Variants in CHRM5 observed in about 807,000 individuals in gnomAD.
The protein encoded by CHRM5 is muscarinic acetylcholine receptor M5.
A neutral mutation model predicts 39.0 loss-of-function variants in CHRM5; 18 were observed. The ratio of observed to expected loss-of-function variants is 0.46; its 90% CI spans 0.32 to 0.68. The LOEUF is 0.68. Among genes scored for constraint, CHRM5 ranks in the 30% least tolerant of loss-of-function variants. CHRM5 has a pLI of 0.04. For synonymous variants in CHRM5, 241 were observed against 246.3 expected, an observed-to-expected ratio of 0.98 and a Z score of 0.20; for missense variants, 515 against 651.1, an observed-to-expected ratio of 0.79 and a Z score of 2.28.
chr15:34,048,320 C>T (rs914800534), intron 2 of CHRM5, among the ~76,000 whole-genome samples: 7 of 152,128 alleles, frequency 4.6e-5, no homozygotes, highest in South Asian at 2.1e-4. Context: ...GAGGGGCAGC[C>T]GCCATCTGTG....
At chr15:34,034,117 TA>T (rs200125211) in intron 1 of CHRM5, among the ~76,000 whole-genome samples, 2,619 of 152,266 alleles carry the variant, frequency 0.017, 73 homozygotes, top group African/African-American at 0.06. Flanking sequence ...TTTAAATGGC[TA>T]AAGGCAAATA....
intron 1 of CHRM5, among the ~76,000 whole-genome samples, chr15:33,986,632 T>C (rs946037974): frequency 8.8e-5 from 13 of 147,488 alleles, no homozygotes; most frequent in Non-Finnish European, 2.0e-4. Flanking sequence ...TAATAGATCA[T>C]GACCATAAGG....
intron 2 of CHRM5, among the ~76,000 whole-genome samples, chr15:34,061,830 G>A (rs1900342806): frequency 6.6e-6 from 1 of 152,174 alleles, no homozygotes; most frequent in Admixed American, 6.5e-5. Flanking sequence ...AGGGCAAGGA[G>A]AGGTGGTATA....
intron 2 of CHRM5, among the ~76,000 whole-genome samples, chr15:34,050,917 C>T (rs1899906330): frequency 3.3e-5 from 5 of 152,096 alleles, no homozygotes; most frequent in Admixed American, 3.3e-4. Flanking sequence ...CTTTAACACC[C>T]CACCGACTAT....
intron 1 of CHRM5, among the ~76,000 whole-genome samples, chr15:33,985,038 C>T (rs1328663943): frequency 2.0e-5 from 3 of 152,084 alleles, no homozygotes; most frequent in African/African-American, 7.2e-5. Context: ...CCACAGCATT[C>T]TGTATCCCAC....
Position 34,001,019 on chromosome 15 carries a change from A to ATTT in CHRM5, c.-408+31885_-408+31887dup, listed in dbSNP as rs562045179. On this transcript the variant is annotated intron_variant, in intron 1 of 2. Coordinates refer to ENST00000383263, the MANE Select transcript of CHRM5 (RefSeq NM_012125.4). Reference sequence around the variant, plus strand: ...GACAGGCCTGCTAGGTTGGACTAGAATTTTTTTTTTTTTTTTTTGAGACGG... The same window carrying ATTT: ...GACAGGCCTGCTAGGTTGGACTAGAATTTTTTTTTTTTTTTTTTTTTGAGACGG... Among the ~76,000 whole-genome samples, 587 of 136,734 alleles carry ATTT rather than the reference A, an allele frequency of 4.3e-3. 14 individuals are homozygous for ATTT. The highest frequency in any genetic ancestry group is 0.015 in the African/African-American group (531 of 35,838). The allele number at this position is 136,734 out of a possible 152,430, so 89.7% of individuals were successfully genotyped here. A position where few individuals can be genotyped will look rare whatever the true frequency, so the allele number is the denominator to read the frequency against.
In CHRM5 at chr15:34,006,579, T is replaced by C. The variant is rs538594608; in HGVS notation, c.-408+37429T>C. Among the ~76,000 whole-genome samples the C allele has an allele frequency of 2.0e-5, 3 of 152,346 alleles. No homozygotes were observed. The East Asian group carries it at 5.8e-4, about 29-fold the overall frequency. ...TCTAAAACACCTAAGGAACGATTAA[T>C]GCAGTGAAACAAGCACTGAAATGGA... On this transcript the variant is annotated intron_variant, in intron 1 of 2. Transcript: ENST00000383263.
chr15:34,009,743 T>C (rs1897556068), intron 1 of CHRM5, among the ~76,000 whole-genome samples: 4 of 152,120 alleles, frequency 2.6e-5, no homozygotes, highest in Admixed American at 1.3e-4. Flanking sequence ...ATCCCAATGC[T>C]TTGGGAGGCC....
intron 1 of CHRM5, among the ~76,000 whole-genome samples, chr15:33,984,032 A>T (rs976129857): frequency 2.6e-5 from 4 of 152,278 alleles, no homozygotes; most frequent in Admixed American, 2.6e-4. Context: ...ACTGTCACAA[A>T]TAAGAAGAGA....
chr15:33,989,224 T>C (rs1896613265), intron 1 of CHRM5, among the ~76,000 whole-genome samples: 1 of 152,170 alleles, frequency 6.6e-6, no homozygotes, highest in African/African-American at 2.4e-5. Context: ...TATATGTTAG[T>C]ACCATGCTTG....
intron 1 of CHRM5, among the ~76,000 whole-genome samples, chr15:34,025,609 A>G (rs1898420995): frequency 6.6e-6 from 1 of 152,228 alleles, no homozygotes; most frequent in African/African-American, 2.4e-5. Flanking sequence ...CCTGATTTTG[A>G]TAATTGTGCA....
At chr15:34,004,661 A>G (rs1216362717) in intron 1 of CHRM5, among the ~76,000 whole-genome samples, 1 of 152,190 alleles carries the variant, frequency 6.6e-6, no homozygotes, top group East Asian at 1.9e-4. Context: ...AAGATAGGAC[A>G]TGTGAGGTTT....
intron 1 of CHRM5, among the ~76,000 whole-genome samples, chr15:34,017,700 G>A (rs1898001299): frequency 6.6e-6 from 1 of 151,948 alleles, no homozygotes; most frequent in Admixed American, 6.6e-5. Context: ...GGCAGGTCTC[G>A]AACTCCTGAC....
chr15:33,971,728 A>T (rs1366617424), intron 1 of CHRM5, among the ~76,000 whole-genome samples: 1 of 152,050 alleles, frequency 6.6e-6, no homozygotes, highest in Non-Finnish European at 1.5e-5. Flanking sequence ...TTTTCATTCC[A>T]TTATAATGGC....
intron 1 of CHRM5, among the ~76,000 whole-genome samples, chr15:33,996,485 G>A (rs995928116): frequency 6.6e-6 from 1 of 152,212 alleles, no homozygotes; most frequent in African/African-American, 2.4e-5. Context: ...GCTTCCAGAG[G>A]AAGGATCAGG....
intron 1 of CHRM5, among the ~76,000 whole-genome samples, chr15:34,008,969 CACACACAG>C (rs1567464060): frequency 3.3e-5 from 5 of 151,454 alleles, no homozygotes; most frequent in African/African-American, 7.3e-5. Context: ...CACACACACA[CACACACAG>C]ACCATCGAGA....
intron 1 of CHRM5, among the ~76,000 whole-genome samples, chr15:34,033,280 C>T (rs564809459): frequency 6.6e-6 from 1 of 152,028 alleles, no homozygotes; most frequent in East Asian, 1.9e-4. Context: ...CAGAAGCGGG[C>T]GGACTGCCTG....
chr15:34,012,155 C>G (rs1034108749), intron 1 of CHRM5, among the ~76,000 whole-genome samples: 4 of 152,140 alleles, frequency 2.6e-5, no homozygotes, highest in African/African-American at 9.7e-5. Context: ...GCTAGATTAC[C>G]ATCAACAACT....
chr15:34,024,106 C>T (rs1204605711), intron 1 of CHRM5, among the ~76,000 whole-genome samples: 1 of 152,162 alleles, frequency 6.6e-6, no homozygotes, highest in African/African-American at 2.4e-5. Context: ...TATTCAATTA[C>T]ACAACAAATA....
Sources: allele counts gnomAD v4.1 joint callset (sites outside exome capture counted in the v4.1 genomes callset), GRCh38; gene constraint gnomAD v4.1.1; transcripts MANE v1.5; gene names NCBI Gene and HGNC (gene_info 2026-07-23, HGNC 2026-07-21).